FHDC1: variants seen among roughly 807,000 people sequenced by gnomAD.
The protein encoded by FHDC1 is FH2 domain-containing protein 1.
In FHDC1, 25 loss-of-function variants were observed where a neutral mutation model predicts 52.6. The ratio of observed to expected loss-of-function variants is 0.48; its 90% CI spans 0.35 to 0.66. The LOEUF (loss-of-function observed/expected upper bound fraction) is 0.66. FHDC1 is among the 30% of genes least tolerant of loss of function. The pLI, the probability that FHDC1 is intolerant of heterozygous loss-of-function variation, is 0.01. For missense variants in FHDC1, 1,459 were observed against 1,452.8 expected, an observed-to-expected ratio of 1.00 and a Z score of -0.07; for synonymous variants, 616 against 581.5, an observed-to-expected ratio of 1.06 and a Z score of -0.85.
chr4:152,976,192 C>G lies in FHDC1; in HGVS notation c.2901C>G (p.Thr967=). The change falls in exon 12 of 12, where the codon ACC becomes ACG. Residue 967 remains threonine (T), a synonymous_variant. Transcript: ENST00000511601. Reference sequence around the variant, plus strand: ...GGGGGAGCAGCGGCTCCAGCAGCACCCGTCCGGGGAGGGACGTTCCCCTGC... The same window carrying G: ...GGGGGAGCAGCGGCTCCAGCAGCACGCGTCCGGGGAGGGACGTTCCCCTGC... ...LPRGSSGSSS[T]RPGRDVPLQP... is the part of the protein sequence containing the mutation. 6.2e-7 allele frequency: 1 copy of G among 1,612,578 alleles called. No homozygotes were observed. Among genetic ancestry groups the G allele is most frequent in the African/African-American group, 1.3e-5 (1 of 75,024 alleles).
chr4:152,931,212 C>T, the FHDC1 span, among the ~76,000 whole-genome samples: 334 of 152,192 alleles, frequency 2.2e-3, 2 homozygotes, highest in African/African-American at 7.6e-3. Context: ...GACTCATATA[C>T]TGTTTTCTGG....
chr4:152,954,065 G>A (rs1034926452), intron 3 of FHDC1, 152 bp from the exon 4 acceptor site: 2 of 618,584 alleles, frequency 3.2e-6, no homozygotes, highest in African/African-American at 3.7e-5. Context: ...TGAGGCAGTG[G>A]GGCTGTTATG....
chr4:152,954,931 C>G (rs1354398638), intron 4 of FHDC1, among the ~76,000 whole-genome samples: 2 of 151,972 alleles, frequency 1.3e-5, no homozygotes. Context: ...TGATGCTGAC[C>G]TCATTGGATT....
chr4:152,912,855 A>G, the FHDC1 span, among the ~76,000 whole-genome samples: 5 of 152,194 alleles, frequency 3.3e-5, no homozygotes, highest in Non-Finnish European at 5.9e-5. Context: ...GGGTCCAGGA[A>G]CTATCTGGGT....
chr4:152,942,780 G>A, intron 1 of FHDC1, 148 bp from the exon 2 acceptor site: 1 of 387,124 alleles, frequency 2.6e-6, no homozygotes, highest in Non-Finnish European at 4.6e-6. Context: ...AAAAGCGTTG[G>A]GTCCTTGTAA....
chr4:152,945,075 C>T (rs1245434213), intron 2 of FHDC1, among the ~76,000 whole-genome samples: 3 of 152,090 alleles, frequency 2.0e-5, no homozygotes, highest in African/African-American at 4.8e-5. Flanking sequence ...CACCGTGTCC[C>T]GGGGAGGCAG....
At chr4:152,970,159 A>G (rs1272652399) in intron 10 of FHDC1, among the ~76,000 whole-genome samples, 1 of 152,244 alleles carries the variant, frequency 6.6e-6, no homozygotes, top group Non-Finnish European at 1.5e-5. Flanking sequence ...TCAAGGATTC[A>G]GAGCAGAAAA....
chr4:152,969,665 G>A (rs1002239158), intron 10 of FHDC1, among the ~76,000 whole-genome samples: 1 of 129,580 alleles, frequency 7.7e-6, no homozygotes, highest in Non-Finnish European at 1.7e-5. Flanking sequence ...TCTGGCAGTC[G>A]TTTTTTTTTT....
intron 3 of FHDC1, 22 bp from the exon 4 acceptor site, chr4:152,954,195 T>C: frequency 1.3e-6 from 2 of 1,595,550 alleles, no homozygotes; most frequent in Non-Finnish European, 1.7e-6. Context: ...TGAAATGGAA[T>C]GTGATTCATT....
At position 152,945,000 on chromosome 4, in the gene FHDC1, GGTGGACCCAT is replaced by G. The variant is rs372095328; in HGVS notation, c.498+1451_498+1460del. Among the ~76,000 whole-genome samples, 20 of 152,272 alleles carry G rather than the reference GGTGGACCCAT, an allele frequency of 1.3e-4. No individual in the cohort carries two copies. The East Asian group carries it at 3.9e-3, about 29-fold the overall frequency. Reference sequence around the variant, plus strand: ...TTCAGGAATACTGAAGTAATTATTGGGTGGACCCATGTGGAAATGAGGCCTGTGTCTCAGC... The same window carrying G: ...TTCAGGAATACTGAAGTAATTATTGGGTGGAAATGAGGCCTGTGTCTCAGC... On this transcript the variant is annotated intron_variant, in intron 2 of 11. Transcript: ENST00000511601.
intron 11 of FHDC1, among the ~76,000 whole-genome samples, chr4:152,974,368 C>T (rs751948319): frequency 4.8e-5 from 7 of 145,606 alleles, no homozygotes; most frequent in African/African-American, 4.9e-5. Context: ...GGCTGGAAAG[C>T]TGGAAGTTGG....
chr4:152,972,587 T>A lies in FHDC1; in HGVS notation c.1383+46T>A, dbSNP rs771220347. 3 of 1,561,084 alleles carry A rather than the reference T, an allele frequency of 1.9e-6. No individual in the cohort carries two copies. In the Admixed American group the frequency reaches 6.0e-5, roughly 31 times the overall value. On this transcript the variant is annotated intron_variant, in intron 11 of 11. Coordinates refer to ENST00000511601, the MANE Select transcript of FHDC1 (RefSeq NM_001371116.1). ...GTCTTGGGGTTGTTTGGATTTTTAT[T>A]TTCCTTCTTCTCGACCTAGTCATCT...
At chr4:152,974,573 T>G in intron 11 of FHDC1, 102 bp from the exon 12 acceptor site, 1 of 1,471,552 alleles carries the variant, frequency 6.8e-7, no homozygotes, top group South Asian at 1.6e-5. Flanking sequence ...TGAGCTCCCC[T>G]CCATGCCTGT....
chr4:152,975,866 G>A lies in FHDC1; in HGVS notation c.2575G>A (p.Val859Ile). 1.3e-6 allele frequency: 2 copies of A among 1,515,210 alleles called. No individual in the cohort carries two copies. The highest frequency in any genetic ancestry group is 1.8e-6 in the Non-Finnish European group (2 of 1,133,410). The allele number at this position is 1,515,210 out of a possible 1,614,324, so 93.9% of individuals were successfully genotyped here. ...PRDKPTKRKD[V>I]VAPKRGSLKE... Reference sequence around the variant, plus strand: ...GGACAAACCCACCAAAAGGAAAGATGTTGTAGCACCAAAGAGAGGCTCCCT... The same window carrying A: ...GGACAAACCCACCAAAAGGAAAGATATTGTAGCACCAAAGAGAGGCTCCCT... The change falls in exon 12 of 12, where the codon GTT (valine) becomes ATT (isoleucine). Residue 859 changes from valine (V) to isoleucine (I), a missense_variant. Physicochemically the swap from Val to Ile is conservative, Grantham distance 29. Transcript: ENST00000511601.
the FHDC1 span, among the ~76,000 whole-genome samples, chr4:152,913,476 A>T: frequency 6.6e-6 from 1 of 152,202 alleles, no homozygotes; most frequent in South Asian, 2.1e-4. Flanking sequence ...TTCACTGGAG[A>T]TGACTGTAGT....
intron 2 of FHDC1, among the ~76,000 whole-genome samples, chr4:152,947,845 TGGAA>T (rs1561204203): frequency 6.6e-6 from 1 of 151,310 alleles, no homozygotes; most frequent in Admixed American, 6.6e-5. Context: ...AAGGGAAGGA[TGGAA>T]GGAAGATTGG....
At position 152,936,852 on chromosome 4, in the gene FHDC1, A is replaced by T. The variant is rs568020325; in HGVS notation, c.-131+443A>T. Among the ~76,000 whole-genome samples the T allele has an allele frequency of 3.6e-3, 547 of 152,378 alleles. 4 individuals carry two copies. Among genetic ancestry groups the T allele is most frequent in the Admixed American group, 6.6e-3 (101 of 15,314 alleles). ...CAGCGGCGTCCCGCACGGAATGCGC[A>T]GCCGCGGCGCCGCGCTCGGTTCCCT... On this transcript the variant is annotated intron_variant, in intron 1 of 11. Transcript: ENST00000511601.
chr4:152,954,296 A>C lies in FHDC1; in HGVS notation c.640A>C (p.Lys214Gln). Reference sequence around the variant, plus strand: ...ATCAGAGACCTTGCGAGAATTTCTTAAGTTTTTGCCAGAGTCAGAAGAGGT... The same window carrying C: ...ATCAGAGACCTTGCGAGAATTTCTTCAGTTTTTGCCAGAGTCAGAAGAGGT... ...YGSETLREFL[K>Q]FLPESEEVKK... Residue 214 changes from lysine (K) to glutamine (Q), a missense_variant, in exon 4 of 12, where the codon AAG becomes CAG. By Grantham distance (53) the Lys-to-Gln change is moderately conservative. Coordinates refer to ENST00000511601, the MANE Select transcript of FHDC1 (RefSeq NM_001371116.1). 6.2e-7 allele frequency: 1 copy of C among 1,614,080 alleles called. No individual in the cohort carries two copies. The highest frequency in any genetic ancestry group is 8.5e-7 in the Non-Finnish European group (1 of 1,179,928).
At chr4:152,953,636 T>C (rs960318987) in intron 3 of FHDC1, 76 bp downstream of exon 3, 8 of 1,274,436 alleles carry the variant, frequency 6.3e-6, no homozygotes, top group Admixed American at 5.4e-5. Flanking sequence ...GTGACTGAGC[T>C]GGAATTCAAA....
Sources: gnomAD v4.1 joint callset for allele counts (sites outside exome capture counted in the v4.1 genomes callset) on GRCh38, gnomAD v4.1.1 for gene constraint, MANE v1.5 for transcripts, NCBI Gene and HGNC (gene_info 2026-07-23, HGNC 2026-07-21) for gene names.